Variants in TUBGCP2 observed in about 807,000 individuals in gnomAD.
The protein encoded by TUBGCP2 is tubulin gamma complex component 2, also known as gamma-tubulin complex component 2.
TUBGCP2 carries 55 observed loss-of-function variants against 92.2 expected under a neutral mutation model. The ratio of observed to expected loss-of-function variants is 0.60; its 90% CI spans 0.48 to 0.75. The LOEUF is 0.75. TUBGCP2 is among the 30% of genes least tolerant of loss of function. The probability of loss-of-function intolerance (pLI) is 0.00; values close to 1 mark genes in which losing one functional copy is unlikely to be tolerated. For synonymous variants in TUBGCP2, 533 were observed against 505.2 expected (o/e 1.06, Z -0.74); for missense variants, 1,093 against 1,188.9 (o/e 0.92, Z 1.19).
chr10:133,298,291 G>A (rs1015898682), intron 4 of TUBGCP2, among the ~76,000 whole-genome samples, 180 bp from the exon 5 acceptor site: 18 of 152,228 alleles, frequency 1.2e-4, no homozygotes, highest in African/African-American at 3.4e-4. Context: ...CACAACGTGA[G>A]GGGCTGGGGA....
rs549233984 is a variant in TUBGCP2 at position 133,299,415 on chromosome 10, T to C, written c.456+12A>G. On this transcript the variant is annotated intron_variant, in intron 4 of 17. Transcript: ENST00000252936. ...GCAGCATGGAGCCTGTGGACAGCCA[T>C]GGACGCAGTACCTGCTGCAGCGTGG... 7.6e-6 allele frequency: 12 copies of C among 1,581,448 alleles called. No homozygotes were observed. Among genetic ancestry groups the C allele is most frequent in the African/African-American group, 5.4e-5 (4 of 74,190 alleles).
chr10:133,279,986 C>T, intron 17 of TUBGCP2, 85 bp from the exon 18 acceptor site: 1 of 1,538,900 alleles, frequency 6.5e-7, no homozygotes, highest in Non-Finnish European at 8.7e-7. Flanking sequence ...GACGGTGCAG[C>T]TAGGGTGCAC....
intron 10 of TUBGCP2, 129 bp downstream of exon 10, chr10:133,288,711 A>T: frequency 7.3e-6 from 8 of 1,091,720 alleles, no homozygotes; most frequent in Non-Finnish European, 1.0e-5. Context: ...GAGACCATCC[A>T]GCAGTGCCCA....
upstream of TUBGCP2, chr10:133,310,301 C>G: frequency 1.2e-6 from 2 of 1,613,722 alleles, no homozygotes; most frequent in Non-Finnish European, 1.7e-6. Flanking sequence ...AGGGAGCCGC[C>G]AGGCTCAGCA....
At chr10:133,292,205 CCCATG>C (rs1847357406) in intron 8 of TUBGCP2, among the ~76,000 whole-genome samples, 1 of 170 alleles carries the variant, frequency 5.9e-3, no homozygotes, top group Admixed American at 0.014. Flanking sequence ...CTCCGTGTCC[CCCATG>C]TCCCCGTGTC....
intron 8 of TUBGCP2, 106 bp from the exon 9 acceptor site, chr10:133,290,075 C>T (rs1847244159): frequency 6.9e-7 from 1 of 1,458,112 alleles, no homozygotes; most frequent in Non-Finnish European, 9.4e-7. Flanking sequence ...GAGGCCAGCA[C>T]ACTTCCAAGT....
chr10:133,288,456 C>T (rs3008343), intron 10 of TUBGCP2, 147 bp from the exon 11 acceptor site: 508,948 of 565,038 alleles, frequency 0.9, 232,481 homozygotes, highest in East Asian at 0.95. Flanking sequence ...GTGCCCGCCA[C>T]GGCCAGGGAG....
At chr10:133,290,027 A>T in intron 8 of TUBGCP2, 58 bp from the exon 9 acceptor site, 1 of 1,595,064 alleles carries the variant, frequency 6.3e-7, no homozygotes, top group South Asian at 1.1e-5. Context: ...GAGGCAGGCG[A>T]CACTTCTCCA....
chr10:133,285,483 T>C lies in TUBGCP2; in HGVS notation c.1868A>G (p.Lys623Arg), dbSNP rs1239054400. The C allele has an allele frequency of 5.0e-6, 8 of 1,613,328 alleles. No homozygotes were observed. The highest frequency in any genetic ancestry group is 2.2e-5 in the South Asian group (2 of 91,074). Residue 623 changes from lysine (K) to arginine (R), a missense_variant, in exon 12 of 18, where the codon AAG (lysine) becomes AGG (arginine). By Grantham distance (26) the Lys-to-Arg change is conservative. This residue lies in a region of TUBGCP2 where 598 missense variants were observed against 675.5 expected (regional missense o/e 0.89). Transcript: ENST00000252936. The surrounding 1 kb of genome is among the most constrained non-coding windows in gnomAD (Gnocchi z 6.8). ...LEAFSFDYIV[K>R]WPLSLIINRK... ...GTTGATGATGAGCGAAAGGGGCCAC[T>C]TGACGATGTAGTCGAAAGAGAAGGC...
At chr10:133,290,276 C>T (rs572352798) in intron 8 of TUBGCP2, 63 of 294,656 alleles carry the variant, frequency 2.1e-4, no homozygotes, top group Middle Eastern at 1.2e-3. Context: ...GGGCAGATCA[C>T]GAAGTCAAGA....
chr10:133,304,789 C>G (rs1457752184), intron 1 of TUBGCP2, among the ~76,000 whole-genome samples: 1 of 151,964 alleles, frequency 6.6e-6, no homozygotes, highest in Non-Finnish European at 1.5e-5. Context: ...CAATCATAAC[C>G]TAGGAAAAAC....
rs1405367646 is a variant in TUBGCP2 at position 133,291,288 on chromosome 10, T to TCCATGTCCCCCATGTCCCC, written c.1214+1210_1214+1211insGGGGACATGGGGGACATGG. Among the ~76,000 whole-genome samples, 2 of 59,664 alleles carry TCCATGTCCCCCATGTCCCC rather than the reference T, an allele frequency of 3.4e-5. 1 individual carries two copies. Among genetic ancestry groups the TCCATGTCCCCCATGTCCCC allele is most frequent in the East Asian group, 1.3e-3 (2 of 1,514 alleles). The allele number at this position is 59,664 out of a possible 152,430, so 39.1% of individuals were successfully genotyped here. On this transcript the variant is annotated intron_variant, in intron 8 of 17. Coordinates refer to ENST00000252936, the MANE Select transcript of TUBGCP2 (RefSeq NM_006659.4). The stretch of plus-strand genomic sequence containing the variant: ...TGTCCCCCATGTCCCTCCGTGTCCC[T>TCCATGTCCCCCATGTCCCC]GTGTCCCGGGGAGCCCTACCTGTAC...
chr10:133,293,677 G>A lies in TUBGCP2; in HGVS notation c.709C>T (p.Pro237Ser). The part of the protein sequence containing the change: ...GVDGRYVSAQ[P>S]LAGRQSRTFL... Reference sequence around the variant, plus strand: ...GTCCGGCTCTGCCTCCCAGCCAGGGGCTGAGCACTGACGTACCTCCCGTCC... The same window carrying A: ...GTCCGGCTCTGCCTCCCAGCCAGGGACTGAGCACTGACGTACCTCCCGTCC... Residue 237 changes from proline (P) to serine (S), a missense_variant, in exon 6 of 18, where the codon CCC (proline) becomes TCC (serine). By Grantham distance (74) the Pro-to-Ser change is moderately conservative (BLOSUM62 -1). This residue lies in a region of TUBGCP2 where 490 missense variants were observed against 488.5 expected (regional missense o/e 1.00). Transcript: ENST00000252936. 1.2e-6 allele frequency: 2 copies of A among 1,601,976 alleles called. No homozygotes were observed. Among genetic ancestry groups the A allele is most frequent in the African/African-American group, 1.3e-5 (1 of 74,936 alleles).
intron 13 of TUBGCP2, among the ~76,000 whole-genome samples, chr10:133,284,526 T>A (rs1847079548): frequency 6.6e-6 from 1 of 152,042 alleles, no homozygotes; most frequent in South Asian, 2.1e-4. Context: ...CTAATTAAAA[T>A]AATTTTCTTT....
chr10:133,302,699 T>C, intron 2 of TUBGCP2, 93 bp downstream of exon 2: 1 of 1,543,734 alleles, frequency 6.5e-7, no homozygotes, highest in Non-Finnish European at 8.8e-7. Context: ...GCGCTCACCC[T>C]GCACCCTGAC....
At chr10:133,289,132 G>A (rs970632541) in intron 9 of TUBGCP2, 112 bp from the exon 10 acceptor site, 5 of 1,249,504 alleles carry the variant, frequency 4.0e-6, no homozygotes, top group South Asian at 2.9e-5. Flanking sequence ...CTCTCCACAC[G>A]GTCAGTCTGA....
In TUBGCP2 at chr10:133,282,338, A is replaced by C. The variant is rs749156329; in HGVS notation, c.2294T>G (p.Phe765Cys). The change falls in exon 16 of 18, where the codon TTT (phenylalanine) becomes TGT (cysteine). Residue 765 changes from phenylalanine (F) to cysteine (C), a missense_variant. By Grantham distance (205) the Phe-to-Cys change is radical (BLOSUM62 -2). Coordinates refer to ENST00000252936, the MANE Select transcript of TUBGCP2 (RefSeq NM_006659.4). ...GCCATCTAATTTCATGCTCTGTGTAAATTTCTAGGGGGGGAGAGTCGCAAG... is the reference window on the plus strand; with the variant it reads ...GCCATCTAATTTCATGCTCTGTGTACATTTCTAGGGGGGGAGAGTCGCAAG... ...CVMFTNCMQK[F>C]TQSMKLDGEL... 6.3e-7 allele frequency: 1 copy of C among 1,593,718 alleles called. No individual in the cohort carries two copies. Among genetic ancestry groups the C allele is most frequent in the South Asian group, 1.1e-5 (1 of 88,876 alleles).
chr10:133,299,209 C>A (rs749955385), intron 4 of TUBGCP2, among the ~76,000 whole-genome samples: 17 of 152,108 alleles, frequency 1.1e-4, no homozygotes, highest in Admixed American at 2.0e-4. Flanking sequence ...TTCTTGTGGT[C>A]CAGAATTCTT....
rs766937100 is a variant in TUBGCP2 at position 133,289,881 on chromosome 10, C to T, written c.1303G>A (p.Val435Ile). The T allele has an allele frequency of 2.2e-5, 36 of 1,614,136 alleles. No individual in the cohort carries two copies. Among genetic ancestry groups the T allele is most frequent in the African/African-American group, 4.0e-5 (3 of 74,944 alleles). The change falls in exon 9 of 18, where the codon GTC becomes ATC. Residue 435 changes from valine to isoleucine, a missense_variant. By Grantham distance (29) the Val-to-Ile change is conservative. Coordinates refer to ENST00000252936, the MANE Select transcript of TUBGCP2 (RefSeq NM_006659.4). ...AGGAAGGACGGGATCTGCTGCTGGA[C>T]GATGGTGTACCGCTGGTCCCAGTAC... Reference protein sequence around the residue: ...DKYWDQRYTIVQQQIPSFLQK... With the variant: ...DKYWDQRYTIIQQQIPSFLQK...
Sources: gnomAD v4.1 joint callset for allele counts (sites outside exome capture counted in the v4.1 genomes callset) on GRCh38, gnomAD v4.1.1 for gene constraint, gnomAD v4.1.1 regional missense constraint, Gnocchi (gnomAD v3.1) non-coding constraint, MANE v1.5 for transcripts, NCBI Gene and HGNC (gene_info 2026-07-23, HGNC 2026-07-21) for gene names.